DBNL: variants seen among roughly 807,000 people sequenced by gnomAD.
DBNL encodes drebrin-like protein.
In DBNL, 35 loss-of-function variants were observed where a neutral mutation model predicts 62.2. That is an observed-to-expected ratio of 0.56 (90% CI 0.43 to 0.75). The LOEUF is 0.75. DBNL is among the 30% of genes least tolerant of loss of function. The pLI is 0.00. For missense variants in DBNL, 495 were observed against 578.4 expected, an observed-to-expected ratio of 0.86 and a Z score of 1.48; for synonymous variants, 197 against 218.0, an observed-to-expected ratio of 0.90 and a Z score of 0.85.
intron 1 of DBNL, 179 bp downstream of exon 1, chr7:44,044,999 T>A: frequency 3.7e-6 from 2 of 544,154 alleles, no homozygotes; most frequent in Non-Finnish European, 5.9e-6. Context: ...CTCACCCTCG[T>A]GACCCCTTGC....
At chr7:44,046,573 A>G (rs2096117652) in intron 1 of DBNL, among the ~76,000 whole-genome samples, 1 of 151,170 alleles carries the variant, frequency 6.6e-6, no homozygotes, top group East Asian at 1.9e-4. Context: ...GTCAGAACCC[A>G]CCCATCTCAC....
chr7:44,059,484 G>C lies in DBNL; in HGVS notation c.931+35G>C, dbSNP rs779417240. ...TTGTCACCCCATGGGGACCCTGGGG[G>C]ACAGCAGTGGAGAAGGGGGATGTGT... On this transcript the variant is annotated intron_variant, in intron 10 of 12. Transcript: ENST00000448521. This position sits in a 1 kb window ranked among gnomAD's most constrained non-coding sequence, Gnocchi z 4.1. The C allele has an allele frequency of 6.2e-7, 1 of 1,613,370 alleles. No homozygotes were observed. Among genetic ancestry groups the C allele is most frequent in the Non-Finnish European group, 8.5e-7 (1 of 1,179,520 alleles).
At chr7:44,049,984 A>AC in intron 1 of DBNL, 1 of 473,140 alleles carries the variant, frequency 2.1e-6, no homozygotes, top group Non-Finnish European at 4.0e-6. Flanking sequence ...GTCCCTCACA[A>AC]CCCCCACCCC....
intron 1 of DBNL, among the ~76,000 whole-genome samples, chr7:44,045,111 A>G (rs1350240290): frequency 1.3e-5 from 2 of 151,544 alleles, no homozygotes; most frequent in South Asian, 2.1e-4. Flanking sequence ...GCGGGCTTCC[A>G]TGTTGGATCC....
At position 44,067,478 on chromosome 7, in the gene DBNL, C is replaced by G. The variant is rs1053175586; in HGVS notation, c.*6562C>G. The G allele has an allele frequency of 5.3e-5, 8 of 152,176 alleles. No homozygotes were observed. Among genetic ancestry groups the G allele is most frequent in the Non-Finnish European group, 1.0e-4 (7 of 68,034 alleles). 9.4% of individuals were successfully genotyped at this position (152,176 alleles called of 1,614,324 possible). A position where few individuals can be genotyped will look rare whatever the true frequency, so the allele number is the denominator to read the frequency against. Reference sequence around the variant, plus strand: ...AGACCTGGGAGACCTCACTGCCAACCAAGCAGGAGGTGTCAAAAAGGAAAG... The same window carrying G: ...AGACCTGGGAGACCTCACTGCCAACGAAGCAGGAGGTGTCAAAAAGGAAAG... On this transcript the variant is annotated 3_prime_UTR_variant, in exon 13 of 13. Transcript: ENST00000448521.
intron 1 of DBNL, among the ~76,000 whole-genome samples, chr7:44,049,501 G>C (rs1471109995): frequency 6.6e-6 from 1 of 152,214 alleles, no homozygotes; most frequent in Non-Finnish European, 1.5e-5. Flanking sequence ...GGAAAAGAAA[G>C]CCATGGCCCC....
In DBNL at chr7:44,065,599, A is replaced by G. The variant is rs1198081116; in HGVS notation, c.*4683A>G. On this transcript the variant is annotated 3_prime_UTR_variant, in exon 13 of 13. Transcript: ENST00000448521. The stretch of plus-strand genomic sequence containing the variant: ...TTCCCAACACTCCCAGCTTTATAAT[A>G]GTGTCTTCCCAGCCCCCACCCACCC... The G allele has an allele frequency of 2.4e-5, 36 of 1,478,060 alleles. No homozygotes were observed. The highest frequency in any genetic ancestry group is 3.4e-5 in the Non-Finnish European group (36 of 1,065,080). The allele number at this position is 1,478,060 out of a possible 1,614,324, so 91.6% of individuals were successfully genotyped here. A position where few individuals can be genotyped will look rare whatever the true frequency, so the allele number is the denominator to read the frequency against.
chr7:44,060,277 G>A lies in DBNL; in HGVS notation c.1153+124G>A, dbSNP rs2096146186. ...AGGAAGAGAAGACAGGAGGGTGGGCGGTGCGTTTAGGGGTAGAAGCACCTC... is the reference window on the plus strand; with the variant it reads ...AGGAAGAGAAGACAGGAGGGTGGGCAGTGCGTTTAGGGGTAGAAGCACCTC... On this transcript the variant is annotated intron_variant, in intron 12 of 12. Coordinates refer to ENST00000448521, the MANE Select transcript of DBNL (RefSeq NM_001014436.3). The surrounding 1 kb of genome is among the most constrained non-coding windows in gnomAD (Gnocchi z 6.3). The A allele has an allele frequency of 1.2e-5, 10 of 854,582 alleles. No homozygotes were observed. The highest frequency in any genetic ancestry group is 1.7e-5 in the South Asian group (1 of 60,028). The allele number at this position is 854,582 out of a possible 1,614,324, so 52.9% of individuals were successfully genotyped here. A position where few individuals can be genotyped will look rare whatever the true frequency, so the allele number is the denominator to read the frequency against.
chr7:44,065,584 T>G lies in DBNL; in HGVS notation c.*4668T>G, dbSNP rs528717273. Reference sequence around the variant, plus strand: ...GACGGGGACGGCTGCTTCCCAACACTCCCAGCTTTATAATAGTGTCTTCCC... The same window carrying G: ...GACGGGGACGGCTGCTTCCCAACACGCCCAGCTTTATAATAGTGTCTTCCC... On this transcript the variant is annotated 3_prime_UTR_variant, in exon 13 of 13. Transcript: ENST00000448521. 5.1e-4 allele frequency: 790 copies of G among 1,538,840 alleles called. No homozygotes were observed. The highest frequency in any genetic ancestry group is 6.7e-4 in the Non-Finnish European group (747 of 1,116,002).
chr7:44,059,929 C>T lies in DBNL; in HGVS notation c.1048-119C>T, dbSNP rs923267877. On this transcript the variant is annotated intron_variant, in intron 11 of 12. Transcript: ENST00000448521. The surrounding 1 kb of genome is among the most constrained non-coding windows in gnomAD (Gnocchi z 4.1). ...GCGGGGACAGCAGCAGCCCAGCCCCCGAGCCTGTAGACTGCTTGCCCTCTG... is the reference window on the plus strand; with the variant it reads ...GCGGGGACAGCAGCAGCCCAGCCCCTGAGCCTGTAGACTGCTTGCCCTCTG... 121 of 1,014,292 alleles carry T rather than the reference C, an allele frequency of 1.2e-4. No homozygotes were observed. The highest frequency in any genetic ancestry group is 1.7e-4 in the Non-Finnish European group (112 of 676,830). 62.8% of individuals were successfully genotyped at this position (1,014,292 alleles called of 1,614,324 possible).
intron 4 of DBNL, among the ~76,000 whole-genome samples, chr7:44,053,333 C>T (rs2096129883): frequency 6.6e-6 from 1 of 152,224 alleles, no homozygotes; most frequent in South Asian, 2.1e-4. Flanking sequence ...TGATGCATTC[C>T]TTTCCAGCCC....
Position 44,066,205 on chromosome 7 carries a change from G to A in DBNL, c.*5289G>A, listed in dbSNP as rs144901972. ...AAGGTCTCATCCATACATGCCCCATGCTCCCACCCTATCTGCCCTCACCCA... is the reference window on the plus strand; with the variant it reads ...AAGGTCTCATCCATACATGCCCCATACTCCCACCCTATCTGCCCTCACCCA... On this transcript the variant is annotated 3_prime_UTR_variant, in exon 13 of 13. Transcript: ENST00000448521. The A allele has an allele frequency of 1.9e-5, 3 of 160,292 alleles. No individual in the cohort carries two copies. Among genetic ancestry groups the A allele is most frequent in the Admixed American group, 5.8e-5 (1 of 17,348 alleles). 9.9% of individuals were successfully genotyped at this position (160,292 alleles called of 1,614,324 possible).
intron 1 of DBNL, among the ~76,000 whole-genome samples, chr7:44,046,456 G>A (rs1488544197): frequency 2.0e-5 from 3 of 152,132 alleles, no homozygotes; most frequent in Non-Finnish European, 4.4e-5. Flanking sequence ...CTTTCCTTGG[G>A]CTGCTTACGA....
At position 44,062,249 on chromosome 7, in the gene DBNL, T is replaced by C. The variant is rs926792287; in HGVS notation, c.*1333T>C. ...AGAGGGAACTTCCCCTCCACTCCCA[T>C]GGAAGACCCAGGTTTGGGCTGTTGC... On this transcript the variant is annotated 3_prime_UTR_variant, in exon 13 of 13. Coordinates refer to ENST00000448521, the MANE Select transcript of DBNL (RefSeq NM_001014436.3). 7.1e-5 allele frequency: 13 copies of C among 182,124 alleles called. No homozygotes were observed. The highest frequency in any genetic ancestry group is 4.8e-4 in the Admixed American group (9 of 18,740). 11.3% of individuals were successfully genotyped at this position (182,124 alleles called of 1,614,324 possible). A position where few individuals can be genotyped will look rare whatever the true frequency, so the allele number is the denominator to read the frequency against.
chr7:44,058,463 A>G lies in DBNL; in HGVS notation c.736A>G (p.Arg246Gly), dbSNP rs752906605. The change falls in exon 8 of 13, where the codon AGG (arginine) becomes GGG (glycine). Residue 246 changes from arginine to glycine, a missense_variant. Arg to Gly is a moderately radical substitution (Grantham distance 125). Coordinates refer to ENST00000448521, the MANE Select transcript of DBNL (RefSeq NM_001014436.3). ...GGAGCAGCAGCAAGAAGTGGTTTCA[A>G]GGAACCGAAATGAGCAGGTAAGATG... The part of the protein sequence containing the change: ...TWEQQQEVVS[R>G]NRNEQESAVH... 1.2e-6 allele frequency: 2 copies of G among 1,614,236 alleles called. No homozygotes were observed. Among genetic ancestry groups the G allele is most frequent in the Non-Finnish European group, 8.5e-7 (1 of 1,180,040 alleles).
intron 1 of DBNL, among the ~76,000 whole-genome samples, chr7:44,047,340 G>A (rs1419204633): frequency 6.6e-6 from 1 of 152,298 alleles, no homozygotes; most frequent in East Asian, 1.9e-4. Flanking sequence ...AGAAGAGGTG[G>A]TCTCTAGTTT....
chr7:44,056,216 G>GT (rs2096135959), intron 4 of DBNL, among the ~76,000 whole-genome samples: 1 of 151,674 alleles, frequency 6.6e-6, no homozygotes, highest in South Asian at 2.1e-4. Flanking sequence ...TTAAAAATGA[G>GT]TTGGCTGTGT....
Position 44,058,186 on chromosome 7 carries a change from C to T in DBNL, c.610C>T (p.Gln204Ter), listed in dbSNP as rs1363166140. Residue 204 changes from glutamine to a stop codon, truncating the protein, a stop_gained, in exon 7 of 13, where the codon CAG (glutamine) becomes TAG (stop). Transcript: ENST00000448521. LOFTEE classifies it high-confidence loss of function. ...GCGGCGGGCCGAGGAGGCACAGCGG[C>T]AGCTGGAGCAGGAGCGCCGGGAGCG... ...EKRRAEEAQR[Q>*]LEQERREREL... is the part of the protein sequence containing the mutation. 1.3e-6 allele frequency: 2 copies of T among 1,557,292 alleles called. No homozygotes were observed. The highest frequency in any genetic ancestry group is 1.4e-5 in the African/African-American group (1 of 73,680).
intron 4 of DBNL, among the ~76,000 whole-genome samples, chr7:44,054,701 C>T: frequency 6.6e-6 from 1 of 152,052 alleles, no homozygotes; most frequent in East Asian, 1.9e-4. Flanking sequence ...ACTATAATTT[C>T]CCTTCTGTAC....
Sources: allele counts gnomAD v4.1 joint callset (sites outside exome capture counted in the v4.1 genomes callset), GRCh38; gene constraint gnomAD v4.1.1; non-coding constraint Gnocchi (gnomAD v3.1); transcripts MANE v1.5; gene names NCBI Gene and HGNC (gene_info 2026-07-23, HGNC 2026-07-21).